The following SCAPER variants were observed in gnomAD, a reference collection of about 807,000 sequenced individuals.
SCAPER encodes the protein S-phase cyclin A associated protein in the ER.
A neutral mutation model predicts 182.2 loss-of-function variants in SCAPER; 98 were observed. The ratio of observed to expected loss-of-function variants is 0.54; its 90% CI spans 0.46 to 0.64. SCAPER has a LOEUF of 0.64. Among genes scored for constraint, SCAPER ranks in the 30% least tolerant of loss-of-function variants. The probability of loss-of-function intolerance (pLI) is 0.00; values close to 1 mark genes in which losing one functional copy is unlikely to be tolerated. For synonymous variants in SCAPER, 605 were observed against 564.6 expected (o/e 1.07, Z -1.01); for missense variants, 1,432 against 1,690.0 (o/e 0.85, Z 2.68).
At chr15:76,442,955 A>T (rs1000602467) in intron 25 of SCAPER, among the ~76,000 whole-genome samples, 7 of 152,210 alleles carry the variant, frequency 4.6e-5, no homozygotes, top group African/African-American at 1.2e-4. Flanking sequence ...GAAATAATTT[A>T]AAAAACCAGT....
At chr15:76,423,047 T>C (rs866266355) in intron 26 of SCAPER, among the ~76,000 whole-genome samples, 73 of 152,334 alleles carry the variant, frequency 4.8e-4, no homozygotes, top group Middle Eastern at 6.8e-3. Flanking sequence ...GATTTTTGCA[T>C]TGATGTTCAT....
chr15:76,486,051 C>CA (rs373334525), intron 24 of SCAPER, among the ~76,000 whole-genome samples: 135 of 152,020 alleles, frequency 8.9e-4, no homozygotes, highest in Non-Finnish European at 1.6e-3. Flanking sequence ...ACCAAAAATA[C>CA]AAAAAATTAG....
chr15:76,703,092 AAAT>A (rs2059052142), intron 18 of SCAPER, 90 bp from the exon 19 acceptor site: 4 of 1,379,252 alleles, frequency 2.9e-6, no homozygotes, highest in Middle Eastern at 4.3e-4. Flanking sequence ...AAAACTTCAA[AAAT>A]AATAGAATGT....
intron 23 of SCAPER, among the ~76,000 whole-genome samples, chr15:76,509,649 A>G (rs1446067851): frequency 6.6e-6 from 1 of 152,184 alleles, no homozygotes; most frequent in Non-Finnish European, 1.5e-5. Context: ...CCACATTGCC[A>G]AAGGCACTCT....
intron 22 of SCAPER, among the ~76,000 whole-genome samples, chr15:76,605,386 G>C (rs2050295978): frequency 6.6e-6 from 1 of 152,136 alleles, no homozygotes; most frequent in East Asian, 1.9e-4. Flanking sequence ...CTTGATCGTG[G>C]TGGATAAGCT....
chr15:76,667,001 A>G (rs2056622349), intron 20 of SCAPER, among the ~76,000 whole-genome samples: 1 of 152,162 alleles, frequency 6.6e-6, no homozygotes, highest in Admixed American at 6.6e-5. Flanking sequence ...TTCTACTTAA[A>G]TCATCTCAAA....
intron 8 of SCAPER, among the ~76,000 whole-genome samples, chr15:76,778,221 G>A (rs970810067): frequency 2.0e-5 from 3 of 152,052 alleles, no homozygotes; most frequent in Admixed American, 6.5e-5. Flanking sequence ...AACTGAAGTA[G>A]TGCTCGATGT....
intron 23 of SCAPER, among the ~76,000 whole-genome samples, chr15:76,546,743 A>G (rs967048815): frequency 1.8e-4 from 28 of 152,088 alleles, no homozygotes; most frequent in African/African-American, 6.0e-4. Flanking sequence ...ATGGTAGCAC[A>G]CTGTAAGTAG....
intron 23 of SCAPER, among the ~76,000 whole-genome samples, chr15:76,562,148 C>CAAAAAAAAA (rs66722088): frequency 2.7e-5 from 2 of 74,026 alleles, no homozygotes; most frequent in East Asian, 5.2e-4. Flanking sequence ...AACTTCATCT[C>CAAAAAAAAA]AAAAAAAAAA....
chr15:76,716,703 G>A (rs1296556469), intron 17 of SCAPER, among the ~76,000 whole-genome samples: 1 of 151,594 alleles, frequency 6.6e-6, no homozygotes, highest in Non-Finnish European at 1.5e-5. Flanking sequence ...ACTAGATCAA[G>A]CAGAAGAAAG....
intron 21 of SCAPER, among the ~76,000 whole-genome samples, chr15:76,651,805 G>T (rs1467091084): frequency 6.7e-6 from 1 of 149,454 alleles, no homozygotes; most frequent in African/African-American, 2.5e-5. Flanking sequence ...ATTTGGCAGA[G>T]GCACAATGGA....
chr15:76,829,316 G>A, intron 5 of SCAPER, among the ~76,000 whole-genome samples: 1 of 151,984 alleles, frequency 6.6e-6, no homozygotes, highest in Non-Finnish European at 1.5e-5. Context: ...AAGGTGGGAG[G>A]GGACACAAGA....
chr15:76,854,024 A>G (rs1159517195), intron 4 of SCAPER, among the ~76,000 whole-genome samples: 1 of 152,210 alleles, frequency 6.6e-6, no homozygotes, highest in Non-Finnish European at 1.5e-5. Context: ...TAATCCCAGC[A>G]CTTTGGGAGG....
At position 76,433,693 on chromosome 15, in the gene SCAPER, G is replaced by A. The variant is rs1415281293; in HGVS notation, c.3311+385C>T. Among the ~76,000 whole-genome samples, 9 of 152,078 alleles carry A rather than the reference G, an allele frequency of 5.9e-5. No individual in the cohort carries two copies. The East Asian group carries it at 1.7e-3, about 29-fold the overall frequency. ...TTGTCAAAATGAAATTTCCTGTCAA[G>A]AGAGAATTTTCTTTCTCTCTACAAA... is the stretch of plus-strand genomic sequence containing the variant. On this transcript the variant is annotated intron_variant, in intron 26 of 31. Transcript: ENST00000563290.
intron 17 of SCAPER, among the ~76,000 whole-genome samples, chr15:76,723,094 CT>C (rs1169318266): frequency 6.6e-6 from 1 of 151,972 alleles, no homozygotes; most frequent in Non-Finnish European, 1.5e-5. Context: ...CTACACACTG[CT>C]TTGAATGTGT....
At chr15:76,848,831 C>G (rs2070414569) in intron 4 of SCAPER, among the ~76,000 whole-genome samples, 2 of 152,076 alleles carry the variant, frequency 1.3e-5, no homozygotes, top group Admixed American at 1.3e-4. Flanking sequence ...AGGAGTGCAG[C>G]CCCTCCTCCC....
chr15:76,609,768 A>G (rs1187531355), intron 22 of SCAPER, among the ~76,000 whole-genome samples: 2 of 152,238 alleles, frequency 1.3e-5, no homozygotes, highest in African/African-American at 4.8e-5. Flanking sequence ...AGCCTTTAGT[A>G]AAATCATGGT....
In SCAPER at chr15:76,724,424, G is replaced by T. The variant is rs376383432; in HGVS notation, c.2165+4171C>A. Among the ~76,000 whole-genome samples, 14 of 152,190 alleles carry T rather than the reference G, an allele frequency of 9.2e-5. No individual in the cohort carries two copies. In the East Asian group the frequency reaches 1.5e-3, roughly 17 times the overall value. ...GTGTCTTGGAGTTGCTCTTCTCAAGGAGTATCTTTGTGGCATTCTCTGTAT... is the reference window on the plus strand; with the variant it reads ...GTGTCTTGGAGTTGCTCTTCTCAAGTAGTATCTTTGTGGCATTCTCTGTAT... On this transcript the variant is annotated intron_variant, in intron 17 of 31. Transcript: ENST00000563290.
At chr15:76,444,161 A>T (rs193067693) in intron 25 of SCAPER, among the ~76,000 whole-genome samples, 8 of 152,160 alleles carry the variant, frequency 5.3e-5, no homozygotes, top group Non-Finnish European at 1.2e-4. Flanking sequence ...AAGAGTTTTG[A>T]TGGGAAATCA....
Sources: gnomAD v4.1 joint callset for allele counts (sites outside exome capture counted in the v4.1 genomes callset) on GRCh38, gnomAD v4.1.1 for gene constraint, MANE v1.5 for transcripts, NCBI Gene and HGNC (gene_info 2026-07-23, HGNC 2026-07-21) for gene names.